PAPPA2: variants seen among roughly 807,000 people sequenced by gnomAD.
The protein encoded by PAPPA2 is pappalysin 2.
In PAPPA2, 86 loss-of-function variants were observed where a neutral mutation model predicts 176.4. The ratio of observed to expected loss-of-function variants is 0.49; its 90% confidence interval spans 0.41 to 0.58. The LOEUF is 0.58. Among genes scored for constraint, PAPPA2 ranks in the 20% least tolerant of loss-of-function variants. The probability of loss-of-function intolerance (pLI) is 0.00; values close to 1 mark genes in which losing one functional copy is unlikely to be tolerated. For missense variants in PAPPA2, 2,073 were observed against 2,256.9 expected, an observed-to-expected ratio of 0.92 and a Z score of 1.65; for synonymous variants, 809 against 852.2, an observed-to-expected ratio of 0.95 and a Z score of 0.88.
chr1:176,508,447 A>T (rs1398552948), intron 1 of PAPPA2, among the ~76,000 whole-genome samples: 1 of 152,226 alleles, frequency 6.6e-6, no homozygotes, highest in Non-Finnish European at 1.5e-5. Flanking sequence ...CATAAATTCT[A>T]ATTCTGAAAA....
chr1:176,533,550 A>C (rs1478299524), intron 1 of PAPPA2, among the ~76,000 whole-genome samples: 1 of 152,258 alleles, frequency 6.6e-6, no homozygotes, highest in East Asian at 1.9e-4. Flanking sequence ...TTCTTTGACC[A>C]ACTAGCTGGA....
At chr1:176,557,342 A>G in intron 2 of PAPPA2, 101 bp downstream of exon 2, 1 of 1,358,952 alleles carries the variant, frequency 7.4e-7, no homozygotes, top group East Asian at 2.5e-5. Context: ...GGGACCCAAC[A>G]GGAAAGCCAG....
chr1:176,603,506 A>G (rs772022625), intron 3 of PAPPA2, among the ~76,000 whole-genome samples: 3 of 152,100 alleles, frequency 2.0e-5, no homozygotes, highest in Non-Finnish European at 4.4e-5. Context: ...CCTCTGGAGG[A>G]AGCTCCTGAT....
intron 1 of PAPPA2, among the ~76,000 whole-genome samples, chr1:176,495,798 A>T (rs1165534311): frequency 6.8e-6 from 1 of 146,740 alleles, no homozygotes; most frequent in South Asian, 2.2e-4. Context: ...TTTGGTGTGA[A>T]TTTTTTTTTT....
At chr1:176,813,532 A>G (rs964973954) in intron 21 of PAPPA2, among the ~76,000 whole-genome samples, 5 of 152,168 alleles carry the variant, frequency 3.3e-5, no homozygotes, top group Non-Finnish European at 7.4e-5. Flanking sequence ...GCATTTCTCT[A>G]ATGATCGGTG....
In PAPPA2 at chr1:176,789,888, C is replaced by A. The variant is rs755682804; in HGVS notation, c.4795C>A (p.Pro1599Thr). 16 of 1,614,018 alleles carry A rather than the reference C, an allele frequency of 9.9e-6. No individual in the cohort carries two copies. Among genetic ancestry groups the A allele is most frequent in the Admixed American group, 1.7e-5 (1 of 60,002 alleles). The change falls in exon 18 of 23, where the codon CCT (proline) becomes ACT (threonine). Residue 1599 changes from proline to threonine, a missense_variant. Pro to Thr is a conservative substitution (Grantham distance 38). Coordinates refer to ENST00000367662, the MANE Select transcript of PAPPA2 (RefSeq NM_020318.3). ...SCIPVVCEPP[P>T]PVFEGMYECT... Reference sequence around the variant, plus strand: ...CATTCCTGTGGTGTGTGAGCCACCCCCTCCTGTGTTTGAAGGCATGTATGA... The same window carrying A: ...CATTCCTGTGGTGTGTGAGCCACCCACTCCTGTGTTTGAAGGCATGTATGA...
At chr1:176,736,094 A>G (rs2102868888) in intron 12 of PAPPA2, among the ~76,000 whole-genome samples, 1 of 152,250 alleles carries the variant, frequency 6.6e-6, no homozygotes, top group East Asian at 1.9e-4. Flanking sequence ...TCAATGATGC[A>G]CATCTCAGAT....
chr1:176,585,932 A>G (rs1313941946), intron 2 of PAPPA2, among the ~76,000 whole-genome samples: 1 of 151,968 alleles, frequency 6.6e-6, no homozygotes, highest in East Asian at 1.9e-4. Flanking sequence ...TATCTCTTAT[A>G]TCTCTTATCT....
rs528291191 is a variant in PAPPA2, at chr1:176,708,445, C to T, written c.3458-1538C>T. Among the ~76,000 whole-genome samples the T allele has an allele frequency of 2.1e-4, 31 of 150,476 alleles. No homozygotes were observed. The Middle Eastern group carries it at 0.01, about 50-fold the overall frequency. On this transcript the variant is annotated intron_variant, in intron 10 of 22. Transcript: ENST00000367662. ...GAAACATAAACAAAAATTTTAAGTC[C>T]GTGCTTAAAAAAATAGAGACAAGAA...
chr1:176,541,825 C>G (rs1220943502), intron 1 of PAPPA2, among the ~76,000 whole-genome samples: 9 of 152,206 alleles, frequency 5.9e-5, no homozygotes, highest in Non-Finnish European at 1.0e-4. Flanking sequence ...GAAGTCACAC[C>G]ATTGATGCAA....
chr1:176,475,878 A>G (rs1652092751), intron 1 of PAPPA2, among the ~76,000 whole-genome samples: 1 of 152,160 alleles, frequency 6.6e-6, no homozygotes, highest in Admixed American at 6.5e-5. Flanking sequence ...AAGAAGCTGA[A>G]TTATCTCCAT....
At chr1:176,580,917 A>G (rs1652923734) in intron 2 of PAPPA2, among the ~76,000 whole-genome samples, 1 of 152,128 alleles carries the variant, frequency 6.6e-6, no homozygotes, top group Admixed American at 6.5e-5. Flanking sequence ...ATTTTCTCCC[A>G]TTCTTTAGAT....
rs368783359 is a variant in PAPPA2 at position 176,740,091 on chromosome 1, G to A, written c.4046G>A (p.Arg1349Gln). 54 of 1,613,662 alleles carry A rather than the reference G, an allele frequency of 3.3e-5. No individual in the cohort carries two copies. Among genetic ancestry groups the A allele is most frequent in the Non-Finnish European group, 4.2e-5 (50 of 1,179,878 alleles). ...TSVLLNFSSP[R>Q]VGISAVALRT... ...GTGCTGCTGAATTTCTCATCCCCAC[G>A]GGTCGGCATCTCAGCTGTGGCTCTA... The change falls in exon 14 of 23, where the codon CGG becomes CAG. Residue 1349 changes from arginine (R) to glutamine (Q), a missense_variant. By Grantham distance (43) the Arg-to-Gln change is conservative (BLOSUM62 1). Around this residue, in one of 4 missense-constraint regions of PAPPA2, gnomAD observed 846 missense variants for 857.9 expected, o/e 0.99. Coordinates refer to ENST00000367662, the MANE Select transcript of PAPPA2 (RefSeq NM_020318.3).
intron 3 of PAPPA2, among the ~76,000 whole-genome samples, chr1:176,658,713 C>T (rs1192858795): frequency 6.6e-6 from 1 of 151,922 alleles, no homozygotes; most frequent in Non-Finnish European, 1.5e-5. Context: ...ATGAGTAAAT[C>T]CACTAATTCA....
intron 3 of PAPPA2, among the ~76,000 whole-genome samples, chr1:176,631,401 T>C (rs995084203): frequency 6.6e-6 from 1 of 152,122 alleles, no homozygotes; most frequent in Non-Finnish European, 1.5e-5. Flanking sequence ...GATAAGGAGA[T>C]AGTAGCTAAG....
intron 17 of PAPPA2, among the ~76,000 whole-genome samples, chr1:176,774,922 T>C (rs1184968860): frequency 6.6e-6 from 1 of 152,176 alleles, no homozygotes; most frequent in Admixed American, 6.5e-5. Context: ...TGGACTTCTT[T>C]TATATCTTCG....
chr1:176,590,903 C>T (rs1167841328), intron 2 of PAPPA2, among the ~76,000 whole-genome samples: 6 of 152,158 alleles, frequency 3.9e-5, no homozygotes, highest in Non-Finnish European at 7.3e-5. Flanking sequence ...GACACCTAAT[C>T]TCTCAGAACC....
intron 3 of PAPPA2, among the ~76,000 whole-genome samples, chr1:176,665,432 G>A (rs1254733081): frequency 1.3e-5 from 2 of 152,136 alleles, no homozygotes; most frequent in East Asian, 3.9e-4. Flanking sequence ...GTTGGCGCCT[G>A]ATGCAATCCA....
At position 176,483,200 on chromosome 1, in the gene PAPPA2, G is replaced by T. The variant is rs569123695; in HGVS notation, c.-917+19782G>T. ...GTCCTTTGCTGACTGCTCCTTTGCT[G>T]GTTCTTTTTCCCTCTCTGTGACTGT... On this transcript the variant is annotated intron_variant, in intron 1 of 22. Coordinates refer to ENST00000367662, the MANE Select transcript of PAPPA2 (RefSeq NM_020318.3). Among the ~76,000 whole-genome samples, 34 of 152,174 alleles carry T rather than the reference G, an allele frequency of 2.2e-4. No individual in the cohort carries two copies. The East Asian group carries it at 2.3e-3, about 10-fold the overall frequency.
Sources: gnomAD v4.1 joint callset for allele counts (sites outside exome capture counted in the v4.1 genomes callset) on GRCh38, gnomAD v4.1.1 for gene constraint, gnomAD v4.1.1 regional missense constraint, MANE v1.5 for transcripts, NCBI Gene and HGNC (gene_info 2026-07-23, HGNC 2026-07-21) for gene names.